The following MED12L variants were observed in gnomAD, a reference collection of about 807,000 sequenced individuals.
The protein encoded by MED12L is mediator of RNA polymerase II transcription subunit 12-like protein.
Under a neutral mutation model 281.3 loss-of-function variants are expected in MED12L, and 60 were observed. That is an observed-to-expected ratio of 0.21 (90% CI 0.17 to 0.26). The LOEUF (loss-of-function observed/expected upper bound fraction) is 0.26, where lower values mean the gene tolerates loss of function less well. MED12L is among the 10% of genes least tolerant of loss of function. The pLI, the probability that MED12L is intolerant of heterozygous loss-of-function variation, is 1.00. For synonymous variants in MED12L, 974 were observed against 987.2 expected (o/e 0.99, Z 0.25); for missense variants, 2,146 against 2,680.9 (o/e 0.80, Z 4.41).
chr3:151,355,243 G>A lies in MED12L; in HGVS notation c.2517+4G>A, dbSNP rs368547003. The A allele has an allele frequency of 1.9e-6, 3 of 1,586,856 alleles. No homozygotes were observed. Among genetic ancestry groups the A allele is most frequent in the Non-Finnish European group, 2.6e-6 (3 of 1,158,516 alleles). ...TCAACATCAAGTGACATCTCAGGTA[G>A]CTATTTAAAGCTGTTTATTATGCAT... is the stretch of plus-strand genomic sequence containing the variant. On this transcript the variant is annotated splice_donor_region_variant and intron_variant, in intron 18 of 44. Coordinates refer to ENST00000687756, the MANE Select transcript of MED12L (RefSeq NM_001393769.1).
chr3:151,087,141 G>A lies in MED12L; in HGVS notation c.99+116G>A, dbSNP rs575729367. The A allele has an allele frequency of 7.2e-6, 6 of 832,460 alleles. No individual in the cohort carries two copies. The Admixed American group carries it at 9.4e-5, about 13-fold the overall frequency. The allele number at this position is 832,460 out of a possible 1,614,324, so 51.6% of individuals were successfully genotyped here. ...TGCGGTGGAAGAGGTCGGGGAGGGG[G>A]ATTAGAGGCGGGGGCCAGGCTGGGG... On this transcript the variant is annotated intron_variant, in intron 2 of 44. Transcript: ENST00000687756.
chr3:151,268,008 C>T (rs927386309), intron 16 of MED12L, among the ~76,000 whole-genome samples: 1 of 152,056 alleles, frequency 6.6e-6, no homozygotes, highest in Non-Finnish European at 1.5e-5. Context: ...AATTTTTGCT[C>T]TTTTTAGTCT....
intron 16 of MED12L, 76 bp from the exon 17 acceptor site, chr3:151,349,983 C>T: frequency 7.2e-7 from 1 of 1,396,306 alleles, no homozygotes; most frequent in Non-Finnish European, 9.9e-7. Context: ...GTGCTGTGGT[C>T]AGTGCATTTC....
intron 16 of MED12L, among the ~76,000 whole-genome samples, chr3:151,210,713 A>T (rs1727031217): frequency 6.6e-6 from 1 of 152,218 alleles, no homozygotes; most frequent in Non-Finnish European, 1.5e-5. Flanking sequence ...TTCTATCTGC[A>T]GGTATATTTT....
chr3:151,386,202 A>G (rs1457139958), intron 36 of MED12L, among the ~76,000 whole-genome samples: 1 of 152,196 alleles, frequency 6.6e-6, no homozygotes, highest in Non-Finnish European at 1.5e-5. Context: ...TTGTGTAAAG[A>G]AAAAAAGCTA....
At chr3:151,358,020 A>T (rs1336657181) in intron 20 of MED12L, among the ~76,000 whole-genome samples, 1 of 152,134 alleles carries the variant, frequency 6.6e-6, no homozygotes, top group Admixed American at 6.5e-5. Flanking sequence ...TTTTATTTAA[A>T]CACAGAAAGA....
intron 11 of MED12L, among the ~76,000 whole-genome samples, chr3:151,182,512 C>T (rs1722825045): frequency 1.3e-5 from 2 of 152,016 alleles, no homozygotes; most frequent in South Asian, 4.1e-4. Context: ...TCTGGTCAGC[C>T]TGAATCCTCC....
rs74681064 is a variant in MED12L, at chr3:151,262,254, A to G, written c.2250+68588A>G. ...TGGTTTCAGGATGTATCCCATCAGA[A>G]GTATTAGATTTTAAGTCACACTAGT... On this transcript the variant is annotated intron_variant, in intron 16 of 44. Transcript: ENST00000687756. 6.9e-3 allele frequency among the ~76,000 whole-genome samples: 1,057 copies of G among 152,318 alleles called. 12 individuals carry two copies. Among genetic ancestry groups the G allele is most frequent in the African/African-American group, 0.024 (985 of 41,576 alleles).
At chr3:151,197,627 C>T (rs1285952261) in intron 16 of MED12L, among the ~76,000 whole-genome samples, 3 of 152,120 alleles carry the variant, frequency 2.0e-5, no homozygotes, top group African/African-American at 7.2e-5. Context: ...GATGTGCTAT[C>T]GATGTGATTT....
chr3:151,213,619 C>G (rs575550811), intron 16 of MED12L: 1 of 1,613,986 alleles, frequency 6.2e-7, no homozygotes, highest in African/African-American at 1.3e-5. Context: ...GAATATGTTG[C>G]GGCTAGATTT....
chr3:151,271,017 CAA>C (rs56917310), intron 16 of MED12L, among the ~76,000 whole-genome samples: 30 of 143,982 alleles, frequency 2.1e-4, no homozygotes, highest in Admixed American at 4.1e-4. Context: ...ACCCAAAAAC[CAA>C]AAAAAAAAAA....
chr3:151,393,658 A>G (rs1714585750), intron 38 of MED12L, among the ~76,000 whole-genome samples: 2 of 152,166 alleles, frequency 1.3e-5, no homozygotes, highest in African/African-American at 2.4e-5. Flanking sequence ...GAAACAAACC[A>G]GGGGATAGTT....
chr3:151,283,816 AAT>A (rs1206348001), intron 16 of MED12L, among the ~76,000 whole-genome samples: 1 of 152,226 alleles, frequency 6.6e-6, no homozygotes, highest in Non-Finnish European at 1.5e-5. Flanking sequence ...GAATATTTTA[AAT>A]AATATTATCC....
chr3:151,325,662 G>A (rs1164337498), intron 16 of MED12L, among the ~76,000 whole-genome samples: 1 of 152,000 alleles, frequency 6.6e-6, no homozygotes, highest in African/African-American at 2.4e-5. Flanking sequence ...GCCTTTGAGT[G>A]GAATATTATA....
chr3:151,307,415 G>A (rs892271870), intron 16 of MED12L, among the ~76,000 whole-genome samples: 1 of 152,106 alleles, frequency 6.6e-6, no homozygotes. Context: ...AGGTTTTTCA[G>A]GTGCTACACT....
intron 12 of MED12L, among the ~76,000 whole-genome samples, chr3:151,186,319 C>T (rs1723265701): frequency 1.3e-5 from 2 of 152,130 alleles, no homozygotes; most frequent in South Asian, 2.1e-4. Context: ...CATCTTACCT[C>T]ATCTCTCTGC....
At chr3:151,172,443 A>G (rs2149013915) in intron 11 of MED12L, among the ~76,000 whole-genome samples, 2 of 152,368 alleles carry the variant, frequency 1.3e-5, no homozygotes, top group East Asian at 3.9e-4. Context: ...AGAGACTCAT[A>G]GTGGGCCCCT....
intron 5 of MED12L, among the ~76,000 whole-genome samples, chr3:151,146,573 A>G (rs1187521757): frequency 1.3e-5 from 2 of 152,094 alleles, no homozygotes; most frequent in Non-Finnish European, 2.9e-5. Context: ...TGCCTACTTG[A>G]TCCCTAAGTA....
intron 4 of MED12L, 90 bp from the exon 5 acceptor site, chr3:151,127,735 C>T (rs1419325590): frequency 3.0e-5 from 27 of 897,034 alleles, no homozygotes; most frequent in Non-Finnish European, 1.7e-5. Context: ...AACTTACAGA[C>T]TCTTTCTTTT....
Sources: gnomAD v4.1 joint callset for allele counts (sites outside exome capture counted in the v4.1 genomes callset) on GRCh38, gnomAD v4.1.1 for gene constraint, MANE v1.5 for transcripts, NCBI Gene and HGNC (gene_info 2026-07-23, HGNC 2026-07-21) for gene names.